KLRG1: variants seen among roughly 807,000 people sequenced by gnomAD.
KLRG1 encodes killer cell lectin-like receptor subfamily G member 1.
KLRG1 carries 16 observed loss-of-function variants against 21.8 expected under a neutral mutation model. That is an observed-to-expected ratio of 0.73 (90% confidence interval 0.50 to 1.11). The LOEUF (loss-of-function observed/expected upper bound fraction) is 1.11, where lower values mean the gene tolerates loss of function less well. KLRG1 is among the 50% of genes most tolerant of loss of function. The pLI, the probability that KLRG1 is intolerant of heterozygous loss-of-function variation, is 0.00. For synonymous variants in KLRG1, 69 were observed against 75.9 expected, an observed-to-expected ratio of 0.91 and a Z score of 0.47; for missense variants, 173 against 218.3, an observed-to-expected ratio of 0.79 and a Z score of 1.31.
the KLRG1 span, among the ~76,000 whole-genome samples, chr12:9,126,666 A>T: frequency 6.6e-6 from 1 of 152,172 alleles, no homozygotes; most frequent in African/African-American, 2.4e-5. Context: ...CAAGCCTAGA[A>T]GTTTCTTTTA....
At chr12:9,029,072 A>G in the KLRG1 span, 26 of 499,406 alleles carry the variant, frequency 5.2e-5, no homozygotes, top group Non-Finnish European at 9.3e-5. Flanking sequence ...GCTCTTTAGG[A>G]GACTCAGACT....
At chr12:9,208,251 A>G in the KLRG1 span, 1 of 1,609,296 alleles carries the variant, frequency 6.2e-7, no homozygotes. Context: ...GTCTTGAGTG[A>G]GACTTACGGT....
chr12:9,106,612 A>G, the KLRG1 span: 3 of 1,462,250 alleles, frequency 2.1e-6, no homozygotes, highest in African/African-American at 4.2e-5. Context: ...TTAGCTAAGA[A>G]GGGAGAAAAT....
chr12:9,067,304 G>C, the KLRG1 span: 1 of 160,276 alleles, frequency 6.2e-6, no homozygotes, highest in African/African-American at 2.4e-5. Context: ...GCAGATTTTG[G>C]TGTAACATAG....
chr12:9,165,302 G>T, the KLRG1 span: 9 of 1,614,120 alleles, frequency 5.6e-6, no homozygotes, highest in South Asian at 2.2e-5. Flanking sequence ...CAGGCAGAAG[G>T]CCCCTGCCTT....
chr12:9,066,747 A>C, the KLRG1 span: 1 of 152,348 alleles, frequency 6.6e-6, no homozygotes, highest in South Asian at 2.1e-4. Flanking sequence ...TAGCCTGGAG[A>C]CAGAGCTAAG....
chr12:9,109,457 A>T, the KLRG1 span: 92 of 1,425,910 alleles, frequency 6.5e-5, no homozygotes, highest in Non-Finnish European at 8.8e-5. Context: ...CTTTGGGGGA[A>T]TTCCTATTTT....
At chr12:8,977,207 A>AT (rs34727740) in intron 1 of KLRG1, among the ~76,000 whole-genome samples, 3,142 of 142,104 alleles carry the variant, frequency 0.022, 116 homozygotes, top group African/African-American at 0.075. Flanking sequence ...CTAGCTACTG[A>AT]TTTTTTTTTT....
chr12:9,171,610 C>T, the KLRG1 span, among the ~76,000 whole-genome samples: 1 of 152,098 alleles, frequency 6.6e-6, no homozygotes, highest in Non-Finnish European at 1.5e-5. Flanking sequence ...AATACAGGAG[C>T]TGGTAGCCAG....
At chr12:8,955,910 G>A (rs181710238) in intron 1 of KLRG1, among the ~76,000 whole-genome samples, 21 of 152,056 alleles carry the variant, frequency 1.4e-4, no homozygotes, top group African/African-American at 4.3e-4. Flanking sequence ...GAGAACTCCC[G>A]CAATGCCTTT....
At chr12:8,974,040 TC>T (rs1173592586) in intron 1 of KLRG1, among the ~76,000 whole-genome samples, 1 of 152,210 alleles carries the variant, frequency 6.6e-6, no homozygotes, top group Non-Finnish European at 1.5e-5. Flanking sequence ...TATTTCATTT[TC>T]TTCTCTAATT....
chr12:9,193,473 A>G, the KLRG1 span, among the ~76,000 whole-genome samples: 1 of 152,190 alleles, frequency 6.6e-6, no homozygotes, highest in Non-Finnish European at 1.5e-5. Context: ...GTGTAGGGAC[A>G]CTATTTAGTC....
chr12:9,058,565 T>A, the KLRG1 span: 2 of 152,208 alleles, frequency 1.3e-5, no homozygotes, highest in African/African-American at 4.8e-5. Flanking sequence ...ATGCTCATTT[T>A]AATATAAACA....
chr12:9,079,551 T>A, the KLRG1 span: 15 of 1,279,834 alleles, frequency 1.2e-5, no homozygotes, highest in African/African-American at 2.2e-4. Flanking sequence ...TAAGCTAATG[T>A]ATCATAATAT....
chr12:9,195,702 C>G, the KLRG1 span, among the ~76,000 whole-genome samples: 36,307 of 149,560 alleles, frequency 0.24, 4,790 homozygotes, highest in East Asian at 0.39. Flanking sequence ...GATCCTCCCC[C>G]CTTGGCCTCC....
the KLRG1 span, among the ~76,000 whole-genome samples, chr12:9,025,596 G>A: frequency 2.8e-4 from 42 of 152,202 alleles, no homozygotes; most frequent in African/African-American, 9.2e-4. Flanking sequence ...GAGATCGTGC[G>A]ACTGCACTCC....
intron 1 of KLRG1, among the ~76,000 whole-genome samples, chr12:8,957,939 A>G (rs1446977317): frequency 6.6e-6 from 1 of 152,196 alleles, no homozygotes; most frequent in African/African-American, 2.4e-5. Flanking sequence ...TAGAAAGCAC[A>G]CCTGCAGATA....
chr12:9,032,062 A>G, the KLRG1 span, among the ~76,000 whole-genome samples: 249 of 152,344 alleles, frequency 1.6e-3, 1 homozygote, highest in African/African-American at 5.7e-3. Flanking sequence ...ATACTTAACC[A>G]GATATATGGA....
At chr12:9,098,215 G>A in the KLRG1 span, among the ~76,000 whole-genome samples, 2 of 152,194 alleles carry the variant, frequency 1.3e-5, no homozygotes, top group African/African-American at 2.4e-5. Flanking sequence ...AATCTGCTCT[G>A]TATTCTCTCC....
Sources: allele counts gnomAD v4.1 joint callset (sites outside exome capture counted in the v4.1 genomes callset), GRCh38; gene constraint gnomAD v4.1.1; transcripts MANE v1.5; gene names NCBI Gene and HGNC (gene_info 2026-07-23, HGNC 2026-07-21).